Variants in LRP6 observed in about 807,000 individuals in gnomAD.
LRP6 encodes LDL receptor related protein 6.
Under a neutral mutation model 184.1 loss-of-function variants are expected in LRP6, and 43 were observed. That is an observed-to-expected ratio of 0.23 (90% CI 0.18 to 0.30). The LOEUF (loss-of-function observed/expected upper bound fraction) is 0.30, where lower values mean the gene tolerates loss of function less well. Among genes scored for constraint, LRP6 ranks in the 10% least tolerant of loss-of-function variants. The pLI is 1.00. For missense variants in LRP6, 1,571 were observed against 2,005.3 expected (o/e 0.78, Z 4.14); for synonymous variants, 719 against 684.9 (o/e 1.05, Z -0.78).
chr12:12,135,479 C>CATTATTATTATT (rs35053686), intron 16 of LRP6, among the ~76,000 whole-genome samples, 179 bp from the exon 17 acceptor site: 2,829 of 144,152 alleles, frequency 0.02, 43 homozygotes, highest in Admixed American at 0.046. Flanking sequence ...TTACTTTTAT[C>CATTATTATTATT]ATTATTATTA....
intron 2 of LRP6, among the ~76,000 whole-genome samples, chr12:12,207,449 G>T (rs1256248444): frequency 1.3e-5 from 2 of 152,036 alleles, no homozygotes; most frequent in Admixed American, 1.3e-4. Flanking sequence ...CAGGGGAATC[G>T]CCTGAACCTG....
chr12:12,171,379 A>G (rs1276777111), intron 7 of LRP6, among the ~76,000 whole-genome samples: 2 of 152,028 alleles, frequency 1.3e-5, no homozygotes, highest in Non-Finnish European at 2.9e-5. Flanking sequence ...AAAACTAGCC[A>G]GGCGTGGTGG....
At position 12,149,157 on chromosome 12, in the gene LRP6, G is replaced by A. The variant is rs1055372852; in HGVS notation, c.2995-4C>T. On this transcript the variant is annotated splice_polypyrimidine_tract_variant and splice_region_variant and intron_variant, in intron 13 of 22. Coordinates refer to ENST00000261349, the MANE Select transcript of LRP6 (RefSeq NM_002336.3). ...AGCTCACAACCACAGTAAAGCCCTA[G>A]GGAAAAAAAGAAATACAGAGAAAAT... 1 of 1,612,628 alleles carries A rather than the reference G, an allele frequency of 6.2e-7. No homozygotes were observed. The highest frequency in any genetic ancestry group is 8.5e-7 in the Non-Finnish European group (1 of 1,178,858).
At chr12:12,179,746 AT>A (rs1188597952) in intron 7 of LRP6, 63 bp downstream of exon 7, 2 of 1,544,834 alleles carry the variant, frequency 1.3e-6, no homozygotes, top group African/African-American at 2.7e-5. Context: ...TACTCAAATC[AT>A]TATACTGTCG....
At position 12,121,301 on chromosome 12, in the gene LRP6, T is replaced by C. The variant is rs759958404; in HGVS notation, c.4667A>G (p.Tyr1556Cys). 5.0e-6 allele frequency: 8 copies of C among 1,614,080 alleles called. No homozygotes were observed. In the South Asian group the frequency reaches 6.6e-5, roughly 13 times the overall value. The change falls in exon 23 of 23, where the codon TAT becomes TGT. Residue 1556 changes from tyrosine (Y) to cysteine (C), a missense_variant. Tyr to Cys is a radical substitution (Grantham distance 194). Coordinates refer to ENST00000261349, the MANE Select transcript of LRP6 (RefSeq NM_002336.3). ...RMTSVATAKG[Y>C]TSDLNYDSEP... ...TGAATCATAGTTCAAGTCACTGGTA[T>C]AGCCCTTGGCTGTTGCCACTGAGGT...
intron 18 of LRP6, 152 bp from the exon 19 acceptor site, chr12:12,131,045 G>A (rs1188097988): frequency 2.1e-6 from 1 of 487,322 alleles, no homozygotes; most frequent in Non-Finnish European, 3.7e-6. Context: ...TCCATTGGTT[G>A]AGAGAGAGAA....
chr12:12,215,308 G>C (rs928892784), intron 2 of LRP6, among the ~76,000 whole-genome samples: 2 of 151,962 alleles, frequency 1.3e-5, no homozygotes, highest in African/African-American at 4.8e-5. Context: ...GAGATTTGAG[G>C]GGACAGCAAA....
chr12:12,143,383 A>T (rs1437630431), intron 15 of LRP6, among the ~76,000 whole-genome samples: 1 of 151,994 alleles, frequency 6.6e-6, no homozygotes. Flanking sequence ...TTAGTATGTG[A>T]TTTTTTTTGG....
chr12:12,147,573 A>G lies in LRP6; in HGVS notation c.3207-17T>C. ...TACATATACCTAGAGGGAAAGGAGG[A>G]AAAAAATAAGTTACTGGAGTAAGAA... On this transcript the variant is annotated splice_polypyrimidine_tract_variant and intron_variant, in intron 14 of 22. Coordinates refer to ENST00000261349, the MANE Select transcript of LRP6 (RefSeq NM_002336.3). 2.5e-6 allele frequency: 4 copies of G among 1,596,054 alleles called. No individual in the cohort carries two copies. The highest frequency in any genetic ancestry group is 3.4e-6 in the Non-Finnish European group (4 of 1,164,012).
At chr12:12,173,010 A>G (rs1335987928) in intron 7 of LRP6, among the ~76,000 whole-genome samples, 1 of 152,224 alleles carries the variant, frequency 6.6e-6, no homozygotes. Flanking sequence ...GGGTAGTTTT[A>G]TAATATTTTT....
intron 15 of LRP6, among the ~76,000 whole-genome samples, chr12:12,143,940 T>C (rs1015013469): frequency 1.2e-4 from 19 of 152,224 alleles, no homozygotes; most frequent in African/African-American, 4.6e-4. Flanking sequence ...TGTAAAACCA[T>C]AGTGTACGTT....
chr12:12,126,035 T>C (rs577500531), intron 20 of LRP6, among the ~76,000 whole-genome samples: 5 of 152,318 alleles, frequency 3.3e-5, no homozygotes, highest in African/African-American at 9.6e-5. Flanking sequence ...AGTAAGTTCC[T>C]ATTTTCAGAG....
chr12:12,197,680 C>G (rs547308806), intron 3 of LRP6, among the ~76,000 whole-genome samples: 1 of 152,166 alleles, frequency 6.6e-6, no homozygotes, highest in Non-Finnish European at 1.5e-5. Context: ...TACTCACTTA[C>G]TTGATGCAAC....
rs890579019 is a variant in LRP6 at position 12,249,552 on chromosome 12, A to G, written c.56-4897T>C. 5.7e-6 allele frequency: 3 copies of G among 528,382 alleles called. No homozygotes were observed. The African/African-American group carries it at 5.7e-5, about 10-fold the overall frequency. 32.7% of individuals were successfully genotyped at this position (528,382 alleles called of 1,614,324 possible). On this transcript the variant is annotated intron_variant, in intron 1 of 22. Coordinates refer to ENST00000261349, the MANE Select transcript of LRP6 (RefSeq NM_002336.3). ...CATTTTCCACAGCAGCAAATTTTCTAGATATGTCTTGTAGACCTCAAAGTA... is the reference window on the plus strand; with the variant it reads ...CATTTTCCACAGCAGCAAATTTTCTGGATATGTCTTGTAGACCTCAAAGTA...
intron 4 of LRP6, among the ~76,000 whole-genome samples, chr12:12,184,414 C>A (rs966885047): frequency 1.2e-3 from 128 of 104,362 alleles, no homozygotes; most frequent in Admixed American, 2.3e-3. Flanking sequence ...ACAAACAAAA[C>A]CAATAAAACT....
At chr12:12,201,268 T>G (rs1247267782) in intron 3 of LRP6, among the ~76,000 whole-genome samples, 1 of 152,146 alleles carries the variant, frequency 6.6e-6, no homozygotes, top group Non-Finnish European at 1.5e-5. Flanking sequence ...TTTTAATCAG[T>G]GTGGTGCTCT....
At chr12:12,226,776 T>C (rs1864635495) in intron 2 of LRP6, 1 of 152,236 alleles carries the variant, frequency 6.6e-6, no homozygotes, top group Non-Finnish European at 1.5e-5. Flanking sequence ...TTAGTATTTT[T>C]ATAATATATA....
chr12:12,189,454 T>C (rs1175939226), intron 3 of LRP6, among the ~76,000 whole-genome samples: 2 of 152,198 alleles, frequency 1.3e-5, no homozygotes, highest in African/African-American at 4.8e-5. Context: ...TTAAAATCAG[T>C]AAGTTCTTAA....
Position 12,118,361 on chromosome 12 carries a change from A to C in LRP6, c.*2765T>G, listed in dbSNP as rs559786268. Reference sequence around the variant, plus strand: ...TGCAGAATAGCTTACTGTGGTGCACACAAAGTATGTTATGCTCAAGTTTAT... The same window carrying C: ...TGCAGAATAGCTTACTGTGGTGCACCCAAAGTATGTTATGCTCAAGTTTAT... On this transcript the variant is annotated 3_prime_UTR_variant, in exon 23 of 23. Transcript: ENST00000261349. 4 of 152,346 alleles carry C rather than the reference A, an allele frequency of 2.6e-5. No homozygotes were observed. In the South Asian group the frequency reaches 8.3e-4, roughly 32 times the overall value. The allele number at this position is 152,346 out of a possible 1,614,324, so 9.4% of individuals were successfully genotyped here.
Sources: gnomAD v4.1 joint callset for allele counts (sites outside exome capture counted in the v4.1 genomes callset) on GRCh38, gnomAD v4.1.1 for gene constraint, MANE v1.5 for transcripts, NCBI Gene and HGNC (gene_info 2026-07-23, HGNC 2026-07-21) for gene names.